The following DPYD variants were observed in gnomAD, a reference collection of about 807,000 sequenced individuals.
DPYD encodes the protein dihydropyrimidine dehydrogenase [NADP(+)].
DPYD carries 109 observed loss-of-function variants against 116.2 expected under a neutral mutation model. The ratio of observed to expected loss-of-function variants is 0.94; its 90% CI spans 0.80 to 1.10. DPYD has a LOEUF of 1.10. Ranked by LOEUF, DPYD falls within the 50% of genes least tolerant of loss-of-function variation. The pLI is 0.00. For missense variants in DPYD, 1,302 were observed against 1,254.5 expected (o/e 1.04, Z -0.57); for synonymous variants, 440 against 432.0 (o/e 1.02, Z -0.23).
intron 14 of DPYD, among the ~76,000 whole-genome samples, chr1:97,405,437 G>A (rs1673602232): frequency 6.6e-6 from 1 of 151,888 alleles, no homozygotes; most frequent in African/African-American, 2.4e-5. Flanking sequence ...CTTCACTTTT[G>A]AAGAATAATT....
intron 8 of DPYD, among the ~76,000 whole-genome samples, chr1:97,644,571 G>A (rs1309026177): frequency 6.6e-6 from 1 of 151,770 alleles, no homozygotes; most frequent in Non-Finnish European, 1.5e-5. Flanking sequence ...TGGGACTCCA[G>A]GCGAGCACCA....
At chr1:97,153,171 CT>C (rs1344417429) in intron 20 of DPYD, among the ~76,000 whole-genome samples, 1 of 152,078 alleles carries the variant, frequency 6.6e-6, no homozygotes, top group African/African-American at 2.4e-5. Context: ...TAACATCATA[CT>C]TTTTTCCATT....
chr1:97,775,615 T>C (rs1666355325), intron 3 of DPYD, among the ~76,000 whole-genome samples: 1 of 152,304 alleles, frequency 6.6e-6, no homozygotes, highest in South Asian at 2.1e-4. Flanking sequence ...TCTCGATTCT[T>C]AACTCTGCTC....
chr1:97,820,421 C>T (rs1247481172), intron 3 of DPYD, among the ~76,000 whole-genome samples: 3 of 152,092 alleles, frequency 2.0e-5, no homozygotes, highest in African/African-American at 7.2e-5. Context: ...TCTAAAAGTC[C>T]TTGAGTTGAA....
chr1:97,913,845 TG>T (rs958314273), intron 1 of DPYD, among the ~76,000 whole-genome samples: 1 of 151,154 alleles, frequency 6.6e-6, no homozygotes, highest in Non-Finnish European at 1.5e-5. Context: ...GAATAAAACA[TG>T]GGGGGGAGGA....
intron 14 of DPYD, among the ~76,000 whole-genome samples, chr1:97,410,990 G>A (rs1673958884): frequency 6.6e-6 from 1 of 152,140 alleles, no homozygotes; most frequent in Non-Finnish European, 1.5e-5. Flanking sequence ...AGATAGAATA[G>A]TGAGCTGGGA....
At chr1:97,306,414 A>C in intron 16 of DPYD, 117 bp from the exon 17 acceptor site, 1 of 1,337,428 alleles carries the variant, frequency 7.5e-7, no homozygotes, top group South Asian at 1.2e-5. Flanking sequence ...ACAATGAGCT[A>C]CATGATATAT....
chr1:97,708,606 T>C (rs1265237996), intron 5 of DPYD, among the ~76,000 whole-genome samples: 5 of 152,162 alleles, frequency 3.3e-5, no homozygotes, highest in Non-Finnish European at 7.4e-5. Context: ...TGTTGTTCTA[T>C]ATTATGTTGG....
intron 20 of DPYD, among the ~76,000 whole-genome samples, chr1:97,181,690 A>T (rs1031004342): frequency 3.9e-5 from 6 of 152,182 alleles, no homozygotes; most frequent in Non-Finnish European, 8.8e-5. Context: ...GAATCAACTC[A>T]TAAAGTATTG....
intron 8 of DPYD, among the ~76,000 whole-genome samples, chr1:97,603,260 A>C (rs1006345193): frequency 6.6e-6 from 1 of 152,042 alleles, no homozygotes; most frequent in Non-Finnish European, 1.5e-5. Flanking sequence ...AAAGTAAAGA[A>C]ATCATTAATA....
intron 20 of DPYD, among the ~76,000 whole-genome samples, chr1:97,137,526 A>G (rs1653899993): frequency 6.6e-6 from 1 of 152,210 alleles, no homozygotes; most frequent in Admixed American, 6.5e-5. Context: ...CTTTCTCATA[A>G]TGGTATTAAC....
intron 18 of DPYD, among the ~76,000 whole-genome samples, chr1:97,263,102 C>T (rs929949341): frequency 6.6e-6 from 1 of 151,994 alleles, no homozygotes; most frequent in African/African-American, 2.4e-5. Flanking sequence ...ATGTCAGGGG[C>T]CTTTACAGAA....
At chr1:97,507,135 G>T (rs894330898) in intron 13 of DPYD, among the ~76,000 whole-genome samples, 2 of 151,988 alleles carry the variant, frequency 1.3e-5, no homozygotes, top group Non-Finnish European at 2.9e-5. Flanking sequence ...TATGTGAACT[G>T]TAGCCATTTA....
intron 20 of DPYD, among the ~76,000 whole-genome samples, chr1:97,101,766 C>T (rs1191704490): frequency 1.3e-5 from 2 of 151,932 alleles, no homozygotes; most frequent in Admixed American, 6.6e-5. Context: ...AGGTTTTGAG[C>T]GTCATGCTAT....
chr1:97,382,243 G>A (rs1672015072), intron 15 of DPYD, 150 bp downstream of exon 15: 4 of 471,340 alleles, frequency 8.5e-6, no homozygotes, highest in African/African-American at 8.1e-5. Flanking sequence ...TGAAAACACA[G>A]GGTAAACAAA....
At chr1:97,294,497 C>A (rs1198230477) in intron 18 of DPYD, among the ~76,000 whole-genome samples, 2 of 152,028 alleles carry the variant, frequency 1.3e-5, no homozygotes, top group African/African-American at 2.4e-5. Flanking sequence ...TAGGCTTTTG[C>A]AAGCTCAGTT....
intron 3 of DPYD, among the ~76,000 whole-genome samples, chr1:97,794,000 C>G (rs1459370951): frequency 6.6e-6 from 1 of 152,134 alleles, no homozygotes; most frequent in East Asian, 1.9e-4. Flanking sequence ...TGCTGTGGTG[C>G]AATCATGGCT....
chr1:97,705,198 T>C (rs1557895529), intron 5 of DPYD, among the ~76,000 whole-genome samples: 1 of 151,854 alleles, frequency 6.6e-6, no homozygotes, highest in African/African-American at 2.4e-5. Context: ...TTGTTACATA[T>C]GTATACATGT....
At chr1:97,239,954 G>A (rs1322592742) in intron 18 of DPYD, among the ~76,000 whole-genome samples, 3 of 152,022 alleles carry the variant, frequency 2.0e-5, no homozygotes, top group African/African-American at 7.2e-5. Context: ...CTGCCCTCAA[G>A]GACAATTGAT....
Sources: allele counts gnomAD v4.1 joint callset (sites outside exome capture counted in the v4.1 genomes callset), GRCh38; gene constraint gnomAD v4.1.1; transcripts MANE v1.5; gene names NCBI Gene and HGNC (gene_info 2026-07-23, HGNC 2026-07-21).